The following TSPAN9 variants were observed in gnomAD, a reference collection of about 807,000 sequenced individuals.
The protein encoded by TSPAN9 is tetraspanin 9, also known as tetraspanin-9.
In TSPAN9, 16 loss-of-function variants were observed where a neutral mutation model predicts 31.0. The ratio of observed to expected loss-of-function variants is 0.52; its 90% CI spans 0.35 to 0.78. The LOEUF (loss-of-function observed/expected upper bound fraction) is 0.78, where lower values mean the gene tolerates loss of function less well. TSPAN9 is among the 30% of genes least tolerant of loss of function. TSPAN9 has a pLI of 0.01. For synonymous variants in TSPAN9, 145 were observed against 121.6 expected, an observed-to-expected ratio of 1.19 and a Z score of -1.27; for missense variants, 272 against 312.5, an observed-to-expected ratio of 0.87 and a Z score of 0.98.
intron 3 of TSPAN9, among the ~76,000 whole-genome samples, chr12:3,267,233 G>A (rs1862553413): frequency 6.6e-6 from 1 of 152,202 alleles, no homozygotes; most frequent in East Asian, 1.9e-4. Context: ...TGGTATCCTT[G>A]TCCTGTTCTC....
intron 3 of TSPAN9, among the ~76,000 whole-genome samples, chr12:3,277,626 C>T (rs1280701922): frequency 6.6e-6 from 1 of 152,180 alleles, no homozygotes; most frequent in Non-Finnish European, 1.5e-5. Flanking sequence ...CCAGCTATAT[C>T]GAGCATAAAA....
At chr12:3,262,889 T>G (rs1366759268) in intron 3 of TSPAN9, among the ~76,000 whole-genome samples, 1 of 152,220 alleles carries the variant, frequency 6.6e-6, no homozygotes, top group Non-Finnish European at 1.5e-5. Flanking sequence ...GAAATTGGCA[T>G]CAGACCTCGA....
At chr12:3,226,712 G>A (rs1184177646) in intron 3 of TSPAN9, among the ~76,000 whole-genome samples, 3 of 6,200 alleles carry the variant, frequency 4.8e-4, no homozygotes, top group African/African-American at 8.9e-4. Flanking sequence ...GTGTGTATGT[G>A]TATGTATGTG....
intron 2 of TSPAN9, among the ~76,000 whole-genome samples, chr12:3,128,807 A>G (rs962272239): frequency 6.6e-6 from 1 of 152,194 alleles, no homozygotes; most frequent in Non-Finnish European, 1.5e-5. Context: ...CATTTCAACC[A>G]TTTTTAACTG....
intron 3 of TSPAN9, among the ~76,000 whole-genome samples, chr12:3,226,536 C>CT (rs2098387216): frequency 6.7e-6 from 1 of 150,156 alleles, no homozygotes; most frequent in African/African-American, 2.5e-5. Context: ...TGTAGGTGTG[C>CT]TTGGATTTGA....
intron 2 of TSPAN9, among the ~76,000 whole-genome samples, chr12:3,183,918 T>C (rs1017444612): frequency 3.9e-5 from 6 of 152,134 alleles, no homozygotes; most frequent in African/African-American, 1.4e-4. Flanking sequence ...GATGGTCGCG[T>C]ATGTGAAATC....
chr12:3,170,783 T>C lies in TSPAN9; in HGVS notation c.-17-30394T>C, dbSNP rs1184551870. Among the ~76,000 whole-genome samples, 1 of 152,170 alleles carries C rather than the reference T, an allele frequency of 6.6e-6. No individual in the cohort carries two copies. Among genetic ancestry groups the C allele is most frequent in the Non-Finnish European group, 1.5e-5 (1 of 68,036 alleles). On this transcript the variant is annotated intron_variant, in intron 2 of 8. Coordinates refer to ENST00000011898, the MANE Select transcript of TSPAN9 (RefSeq NM_006675.5). The surrounding 1 kb of genome is among the most constrained non-coding windows in gnomAD (Gnocchi z 4.4). ...TGCACAGCTGTGGCACCTGTGGGGC[T>C]GCTGGCTGAGGCTTCGAGGTCCACC...
intron 2 of TSPAN9, among the ~76,000 whole-genome samples, chr12:3,155,295 A>G (rs980701807): frequency 2.6e-5 from 4 of 152,176 alleles, no homozygotes; most frequent in African/African-American, 9.6e-5. Flanking sequence ...GAGGCAGCTC[A>G]CACACAGAGC....
intron 2 of TSPAN9, among the ~76,000 whole-genome samples, chr12:3,160,833 T>C (rs71458046): frequency 0.07 from 10,696 of 152,348 alleles, 574 homozygotes; most frequent in Non-Finnish European, 0.097. Flanking sequence ...ATATTCTGGT[T>C]ATAAGCCCCT....
At chr12:3,240,776 A>G (rs1011213568) in intron 3 of TSPAN9, among the ~76,000 whole-genome samples, 9 of 152,246 alleles carry the variant, frequency 5.9e-5, no homozygotes, top group Non-Finnish European at 1.3e-4. Flanking sequence ...TAGATTTTAT[A>G]TATTACAACA....
chr12:3,226,650 ATATGTGTGTGTGTGTGTGTGTG>A (rs1565622155), intron 3 of TSPAN9, among the ~76,000 whole-genome samples: 1 of 3,732 alleles, frequency 2.7e-4, no homozygotes, highest in South Asian at 0.024. Context: ...AATTTTATAT[ATATGTGTGTGTGTGTGTGTGTG>A]TGTGTGTGTG....
At chr12:3,252,521 C>CG (rs933162063) in intron 3 of TSPAN9, among the ~76,000 whole-genome samples, 4 of 152,328 alleles carry the variant, frequency 2.6e-5, no homozygotes, top group African/African-American at 9.6e-5. Context: ...CCCAGAGCTC[C>CG]GGGGGTGGGG....
chr12:3,231,596 C>T lies in TSPAN9; in HGVS notation c.63+30340C>T, dbSNP rs193222763. Among the ~76,000 whole-genome samples, 16 of 152,362 alleles carry T rather than the reference C, an allele frequency of 1.1e-4. No homozygotes were observed. The East Asian group carries it at 3.1e-3, about 29-fold the overall frequency. On this transcript the variant is annotated intron_variant, in intron 3 of 8. Transcript: ENST00000011898. ...GAGGTCAACCTCAAGGGGCAGAGGA[C>T]TGAGCCAGCAGGGGCGGGGTGGGTG... is the stretch of plus-strand genomic sequence containing the variant.
intron 3 of TSPAN9, among the ~76,000 whole-genome samples, chr12:3,265,239 G>A (rs1346387726): frequency 1.3e-5 from 2 of 152,186 alleles, no homozygotes; most frequent in African/African-American, 2.4e-5. Context: ...CCGCATCCTT[G>A]TGGGTCAAAT....
chr12:3,200,144 T>TA (rs139019716), intron 2 of TSPAN9: 3,431 of 152,490 alleles, frequency 0.022, 70 homozygotes, highest in South Asian at 0.044. Context: ...CCTTGACATT[T>TA]AGCGAGTGCT....
At chr12:3,177,966 T>A (rs1469047067) in intron 2 of TSPAN9, among the ~76,000 whole-genome samples, 1 of 152,100 alleles carries the variant, frequency 6.6e-6, no homozygotes, top group African/African-American at 2.4e-5. Context: ...CGCCGATGGG[T>A]CTCTGGGCAG....
chr12:3,114,514 C>T (rs57449483), intron 2 of TSPAN9, among the ~76,000 whole-genome samples: 12,448 of 152,074 alleles, frequency 0.082, 1,649 homozygotes, highest in African/African-American at 0.28. Context: ...TTGTGGGGTG[C>T]TGTCTTTCTC....
chr12:3,200,067 C>G (rs2098370422), intron 2 of TSPAN9: 1 of 152,810 alleles, frequency 6.5e-6, no homozygotes, highest in Non-Finnish European at 1.5e-5. Flanking sequence ...TTCGCCGCCC[C>G]CTTGCTCGGG....
intron 2 of TSPAN9, among the ~76,000 whole-genome samples, chr12:3,146,185 C>T (rs1223073536): frequency 6.6e-6 from 1 of 152,162 alleles, no homozygotes; most frequent in African/African-American, 2.4e-5. Context: ...GATTTATGAC[C>T]CGTGGCCATC....
Sources: allele counts gnomAD v4.1 joint callset (sites outside exome capture counted in the v4.1 genomes callset), GRCh38; gene constraint gnomAD v4.1.1; non-coding constraint Gnocchi (gnomAD v3.1); transcripts MANE v1.5; gene names NCBI Gene and HGNC (gene_info 2026-07-23, HGNC 2026-07-21).